Variants in KIF26B observed in about 807,000 individuals in gnomAD.
KIF26B encodes the protein kinesin-like protein KIF26B.
Under a neutral mutation model 151.2 loss-of-function variants are expected in KIF26B, and 63 were observed. The ratio of observed to expected loss-of-function variants is 0.42; its 90% confidence interval spans 0.34 to 0.51. The LOEUF is 0.51. Among genes scored for constraint, KIF26B ranks in the 20% least tolerant of loss-of-function variants. KIF26B has a pLI of 0.07. For missense variants in KIF26B, 2,813 were observed against 2,913.6 expected (o/e 0.97, Z 0.79); for synonymous variants, 1,357 against 1,262.1 (o/e 1.08, Z -1.59).
intron 12 of KIF26B, among the ~76,000 whole-genome samples, chr1:245,690,749 G>T (rs185864560): frequency 5.3e-4 from 81 of 151,494 alleles, no homozygotes; most frequent in East Asian, 2.7e-3. Flanking sequence ...CTGGGGGGGG[G>T]GTATGCTTCA....
In KIF26B at chr1:245,239,103, C is replaced by G. The variant is rs151104049; in HGVS notation, c.465+82420C>G. Reference sequence around the variant, plus strand: ...CTCACGTCGCTGTCCTTCTCCCAGCCCATTCATTTTACTTCCCCTCTCAGA... The same window carrying G: ...CTCACGTCGCTGTCCTTCTCCCAGCGCATTCATTTTACTTCCCCTCTCAGA... On this transcript the variant is annotated intron_variant, in intron 2 of 14. Transcript: ENST00000407071. This position sits in a 1 kb window ranked among gnomAD's most constrained non-coding sequence, Gnocchi z 4.3. Among the ~76,000 whole-genome samples, 3 of 152,236 alleles carry G rather than the reference C, an allele frequency of 2.0e-5. No homozygotes were observed. Among genetic ancestry groups the G allele is most frequent in the African/African-American group, 4.8e-5 (2 of 41,554 alleles).
At position 245,698,878 on chromosome 1, in the gene KIF26B, G is replaced by A; in HGVS notation, c.6028-9G>A. On this transcript the variant is annotated splice_polypyrimidine_tract_variant and intron_variant, in intron 13 of 14. Transcript: ENST00000407071. This position sits in a 1 kb window ranked among gnomAD's most constrained non-coding sequence, Gnocchi z 4.0. Reference sequence around the variant, plus strand: ...GAAGGGCCCTTTCTCCTCTCTGTCTGTGTGCTAGGAGGCCATGTGCTTCAA... The same window carrying A: ...GAAGGGCCCTTTCTCCTCTCTGTCTATGTGCTAGGAGGCCATGTGCTTCAA... 1.2e-6 allele frequency: 2 copies of A among 1,612,492 alleles called. No homozygotes were observed. Among genetic ancestry groups the A allele is most frequent in the Non-Finnish European group, 1.7e-6 (2 of 1,178,854 alleles).
At chr1:245,467,135 T>A (rs1659811260) in intron 4 of KIF26B, among the ~76,000 whole-genome samples, 1 of 152,218 alleles carries the variant, frequency 6.6e-6, no homozygotes, top group African/African-American at 2.4e-5. Flanking sequence ...AGCTTTGGAC[T>A]TTGGACATTT....
At chr1:245,278,168 A>T (rs1208878898) in intron 2 of KIF26B, among the ~76,000 whole-genome samples, 1 of 152,100 alleles carries the variant, frequency 6.6e-6, no homozygotes, top group East Asian at 1.9e-4. Context: ...AAGTATTGCC[A>T]TAGAAATCGC....
intron 2 of KIF26B, among the ~76,000 whole-genome samples, chr1:245,346,092 C>T (rs1379017415): frequency 1.3e-5 from 2 of 149,162 alleles, no homozygotes; most frequent in Non-Finnish European, 2.9e-5. Context: ...GCCACCACAC[C>T]TGGCTAATTT....
At chr1:245,674,912 A>G (rs181312350) in intron 10 of KIF26B, among the ~76,000 whole-genome samples, 4 of 152,308 alleles carry the variant, frequency 2.6e-5, no homozygotes, top group Non-Finnish European at 5.9e-5. Context: ...ATTAGGGTCC[A>G]ACTACAAAGT....
At chr1:245,543,745 C>T (rs902711981) in intron 5 of KIF26B, among the ~76,000 whole-genome samples, 19 of 152,002 alleles carry the variant, frequency 1.2e-4, no homozygotes, top group Admixed American at 7.2e-4. Flanking sequence ...GTCAGGGGTT[C>T]GAGACCAGCC....
intron 4 of KIF26B, among the ~76,000 whole-genome samples, chr1:245,420,710 A>G (rs996748490): frequency 6.6e-6 from 1 of 152,266 alleles, no homozygotes; most frequent in Non-Finnish European, 1.5e-5. Context: ...CCTGCTCTGC[A>G]GGGTCGCTCC....
chr1:245,292,965 C>G (rs968481829), intron 2 of KIF26B, among the ~76,000 whole-genome samples: 2 of 152,192 alleles, frequency 1.3e-5, no homozygotes, highest in Non-Finnish European at 2.9e-5. Flanking sequence ...TTCTTCAAAG[C>G]CCAGGTCTGC....
intron 10 of KIF26B, among the ~76,000 whole-genome samples, chr1:245,656,121 A>G (rs952279058): frequency 1.1e-5 from 1 of 95,072 alleles, no homozygotes; most frequent in Non-Finnish European, 2.3e-5. Flanking sequence ...CAGGAATATA[A>G]CAGATGATCT....
At chr1:245,233,555 C>A (rs977775395) in intron 2 of KIF26B, among the ~76,000 whole-genome samples, 17 of 152,204 alleles carry the variant, frequency 1.1e-4, no homozygotes, top group African/African-American at 4.1e-4. Context: ...CTTGTATGTA[C>A]ATAAAGTGTG....
At chr1:245,229,091 C>T (rs1311332095) in intron 2 of KIF26B, among the ~76,000 whole-genome samples, 1 of 152,124 alleles carries the variant, frequency 6.6e-6, no homozygotes, top group South Asian at 2.1e-4. Flanking sequence ...CTCAGCCTCC[C>T]TAGTAGGTCA....
intron 10 of KIF26B, among the ~76,000 whole-genome samples, chr1:245,668,020 C>T (rs2044236211): frequency 6.6e-6 from 1 of 152,190 alleles, no homozygotes; most frequent in African/African-American, 2.4e-5. Context: ...CTCAGCCTCC[C>T]AGGTAACTGG....
At chr1:245,570,164 C>T (rs1342809480) in intron 5 of KIF26B, among the ~76,000 whole-genome samples, 1 of 151,942 alleles carries the variant, frequency 6.6e-6, no homozygotes, top group Non-Finnish European at 1.5e-5. Context: ...TCTTGATCTC[C>T]TGACCTCGTG....
Position 245,554,002 on chromosome 1 carries a change from C to G in KIF26B, c.1350+13052C>G, listed in dbSNP as rs535311621. On this transcript the variant is annotated intron_variant, in intron 5 of 14. Transcript: ENST00000407071. ...CTTGTCTGGCCTCGGCTTTTACTTTCCTTTTTTCATGGACCCCTCTATCTC... is the reference window on the plus strand; with the variant it reads ...CTTGTCTGGCCTCGGCTTTTACTTTGCTTTTTTCATGGACCCCTCTATCTC... Among the ~76,000 whole-genome samples, 3 of 152,288 alleles carry G rather than the reference C, an allele frequency of 2.0e-5. No homozygotes were observed. The East Asian group carries it at 5.8e-4, about 29-fold the overall frequency.
chr1:245,624,398 C>T lies in KIF26B; in HGVS notation c.2098+12422C>T, dbSNP rs189581140. On this transcript the variant is annotated intron_variant, in intron 9 of 14. Coordinates refer to ENST00000407071, the MANE Select transcript of KIF26B (RefSeq NM_018012.4). Reference sequence around the variant, plus strand: ...TGTACTATTTTATATGGGGAGTTCCCGTTCCTCCATACCCCCACCAGCATT... The same window carrying T: ...TGTACTATTTTATATGGGGAGTTCCTGTTCCTCCATACCCCCACCAGCATT... Among the ~76,000 whole-genome samples, 14 of 152,210 alleles carry T rather than the reference C, an allele frequency of 9.2e-5. 1 individual carries two copies. Among genetic ancestry groups the T allele is most frequent in the Non-Finnish European group, 1.8e-4 (12 of 68,020 alleles).
Position 245,516,788 on chromosome 1 carries a change from A to G in KIF26B, c.1167-23979A>G, listed in dbSNP as rs1473463047. Among the ~76,000 whole-genome samples the G allele has an allele frequency of 2.0e-5, 3 of 152,218 alleles. No homozygotes were observed. Among genetic ancestry groups the G allele is most frequent in the Non-Finnish European group, 4.4e-5 (3 of 68,044 alleles). On this transcript the variant is annotated intron_variant, in intron 4 of 14. Transcript: ENST00000407071. The surrounding 1 kb of genome is among the most constrained non-coding windows in gnomAD (Gnocchi z 4.2). ...TAAGTAATACGCTCCTTGACGGCCA[A>G]AACTGTCATTTGCACATTCTCTTCA... is the stretch of plus-strand genomic sequence containing the variant.
intron 2 of KIF26B, among the ~76,000 whole-genome samples, chr1:245,302,208 T>C (rs1671438215): frequency 6.6e-6 from 1 of 152,242 alleles, no homozygotes; most frequent in Admixed American, 6.5e-5. Flanking sequence ...AAGGTCCTGT[T>C]TGTTGATATG....
At chr1:245,556,496 T>C (rs1380019949) in intron 5 of KIF26B, among the ~76,000 whole-genome samples, 1 of 152,066 alleles carries the variant, frequency 6.6e-6, no homozygotes, top group Non-Finnish European at 1.5e-5. Context: ...AACCTCCAAA[T>C]TCAAGCGATC....
Sources: gnomAD v4.1 joint callset for allele counts (sites outside exome capture counted in the v4.1 genomes callset) on GRCh38, gnomAD v4.1.1 for gene constraint, Gnocchi (gnomAD v3.1) non-coding constraint, MANE v1.5 for transcripts, NCBI Gene and HGNC (gene_info 2026-07-23, HGNC 2026-07-21) for gene names.